CDH13: variants seen among roughly 807,000 people sequenced by gnomAD.
CDH13 encodes the protein cadherin 13, also known as cadherin-13.
CDH13 carries 24 observed loss-of-function variants against 63.8 expected under a neutral mutation model. The observed-to-expected ratio is 0.38, with a 90% CI of 0.27 to 0.53. CDH13 has a LOEUF of 0.53. CDH13 is among the 20% of genes least tolerant of loss of function. The pLI is 0.85. For missense variants in CDH13, 1,049 were observed against 903.1 expected, an observed-to-expected ratio of 1.16 and a Z score of -2.07; for synonymous variants, 503 against 355.3, an observed-to-expected ratio of 1.42 and a Z score of -4.67.
intron 4 of CDH13, among the ~76,000 whole-genome samples, chr16:83,187,318 G>T (rs1366744706): frequency 6.6e-6 from 1 of 152,120 alleles, no homozygotes; most frequent in Non-Finnish European, 1.5e-5. Flanking sequence ...AAAGGAAGAA[G>T]GATATTTGCA....
chr16:82,939,957 G>A (rs1007192120), intron 2 of CDH13, among the ~76,000 whole-genome samples: 6 of 152,162 alleles, frequency 3.9e-5, no homozygotes, highest in African/African-American at 1.4e-4. Context: ...GGTGGAAGGT[G>A]AAGAGGAGCA....
At chr16:83,212,061 A>G (rs1597524952) in intron 4 of CDH13, among the ~76,000 whole-genome samples, 1 of 152,176 alleles carries the variant, frequency 6.6e-6, no homozygotes, top group Admixed American at 6.5e-5. Flanking sequence ...TGCTTTGGCC[A>G]GAGGAGTGCA....
chr16:83,713,980 T>C (rs1351855024), intron 10 of CDH13, among the ~76,000 whole-genome samples: 1 of 152,174 alleles, frequency 6.6e-6, no homozygotes, highest in Non-Finnish European at 1.5e-5. Flanking sequence ...CTGTCCAGTA[T>C]TCTCCAAAAT....
At chr16:82,669,510 A>T (rs1912988617) in intron 1 of CDH13, among the ~76,000 whole-genome samples, 1 of 152,208 alleles carries the variant, frequency 6.6e-6, no homozygotes, top group Non-Finnish European at 1.5e-5. Flanking sequence ...CATTACTTGT[A>T]ATACTGTCTC....
At chr16:83,652,144 G>T (rs1401837923) in intron 8 of CDH13, among the ~76,000 whole-genome samples, 1 of 152,202 alleles carries the variant, frequency 6.6e-6, no homozygotes, top group Non-Finnish European at 1.5e-5. Context: ...TTACAGTCGG[G>T]CCCAAGGGGT....
intron 2 of CDH13, among the ~76,000 whole-genome samples, chr16:82,906,904 C>T (rs2041665175): frequency 2.0e-5 from 3 of 152,210 alleles, no homozygotes; most frequent in South Asian, 4.1e-4. Flanking sequence ...TGTAAGGACA[C>T]CAGTCTTTGA....
chr16:83,556,007 C>T (rs1045528654), intron 7 of CDH13, among the ~76,000 whole-genome samples: 4 of 152,172 alleles, frequency 2.6e-5, no homozygotes, highest in Admixed American at 6.5e-5. Context: ...AGGGTTTTAA[C>T]TGTTTCACTC....
chr16:82,707,549 T>C (rs2031589511), intron 1 of CDH13, among the ~76,000 whole-genome samples: 1 of 152,168 alleles, frequency 6.6e-6, no homozygotes, highest in South Asian at 2.1e-4. Context: ...GAAGTCTTCC[T>C]AGAAGCCAGG....
At chr16:83,192,536 C>G (rs530798277) in intron 4 of CDH13, among the ~76,000 whole-genome samples, 69 of 152,268 alleles carry the variant, frequency 4.5e-4, no homozygotes, top group African/African-American at 1.7e-3. Context: ...GTGATATCCC[C>G]AGAGCTGTAT....
intron 1 of CDH13, among the ~76,000 whole-genome samples, chr16:82,691,615 C>G (rs2033967095): frequency 6.6e-6 from 1 of 152,160 alleles, no homozygotes; most frequent in African/African-American, 2.4e-5. Flanking sequence ...TAGATCCACT[C>G]TGGGGAAAGG....
intron 4 of CDH13, among the ~76,000 whole-genome samples, chr16:83,212,534 A>T (rs1341854594): frequency 6.6e-6 from 1 of 152,166 alleles, no homozygotes; most frequent in Non-Finnish European, 1.5e-5. Flanking sequence ...CTGCTTTCTG[A>T]GGTCTTAGAA....
At chr16:82,677,131 C>A (rs1914019398) in intron 1 of CDH13, among the ~76,000 whole-genome samples, 1 of 152,206 alleles carries the variant, frequency 6.6e-6, no homozygotes, top group Admixed American at 6.5e-5. Context: ...ATCCACCCTC[C>A]TTGGCCTCCC....
intron 6 of CDH13, among the ~76,000 whole-genome samples, chr16:83,382,634 A>G (rs1301062288): frequency 6.6e-6 from 1 of 152,174 alleles, no homozygotes; most frequent in South Asian, 2.1e-4. Context: ...ACATTGATGC[A>G]ATGTCCAATC....
At chr16:82,945,884 TA>T (rs1189350709) in intron 2 of CDH13, among the ~76,000 whole-genome samples, 1 of 152,178 alleles carries the variant, frequency 6.6e-6, no homozygotes, top group African/African-American at 2.4e-5. Context: ...AGTCATTTCC[TA>T]GGGACACTCT....
intron 2 of CDH13, among the ~76,000 whole-genome samples, chr16:82,919,346 T>A (rs1436348791): frequency 1.3e-5 from 2 of 152,196 alleles, no homozygotes; most frequent in Non-Finnish European, 2.9e-5. Flanking sequence ...TTTTTTCTGA[T>A]CCTCTTTCTC....
At chr16:82,912,092 C>T (rs959752395) in intron 2 of CDH13, among the ~76,000 whole-genome samples, 1 of 152,200 alleles carries the variant, frequency 6.6e-6, no homozygotes, top group Middle Eastern at 3.4e-3. Context: ...CATCCCATCC[C>T]GCCATCACCA....
In CDH13 at chr16:82,680,025, G is replaced by A. The variant is rs557707960; in HGVS notation, c.45+52888G>A. 3.9e-5 allele frequency among the ~76,000 whole-genome samples: 6 copies of A among 152,262 alleles called. No individual in the cohort carries two copies. In the East Asian group the frequency reaches 1.2e-3, roughly 29 times the overall value. ...CACACGGGTCTTCTTTGGAATGGAG[G>A]TTCCAGGATCTATGGGGAATTTGCT... On this transcript the variant is annotated intron_variant, in intron 1 of 13. Coordinates refer to ENST00000567109, the MANE Select transcript of CDH13 (RefSeq NM_001257.5).
chr16:83,170,997 CT>C (rs368126683), intron 4 of CDH13, among the ~76,000 whole-genome samples: 1 of 151,872 alleles, frequency 6.6e-6, no homozygotes. Context: ...CGCCCGCCTC[CT>C]TTTTTTTGAG....
intron 6 of CDH13, among the ~76,000 whole-genome samples, chr16:83,477,966 G>C (rs985684062): frequency 6.6e-6 from 1 of 152,034 alleles, no homozygotes; most frequent in Non-Finnish European, 1.5e-5. Flanking sequence ...TGGATCACGA[G>C]GTCAGGAGAT....
Sources: allele counts gnomAD v4.1 joint callset (sites outside exome capture counted in the v4.1 genomes callset), GRCh38; gene constraint gnomAD v4.1.1; transcripts MANE v1.5; gene names NCBI Gene and HGNC (gene_info 2026-07-23, HGNC 2026-07-21).